The following TP73 variants were observed in gnomAD, a reference collection of about 807,000 sequenced individuals.
The protein encoded by TP73 is p53-like transcription factor.
A neutral mutation model predicts 62.5 loss-of-function variants in TP73; 25 were observed. That is an observed-to-expected ratio of 0.40 (90% CI 0.29 to 0.56). The LOEUF (loss-of-function observed/expected upper bound fraction) is 0.56, where lower values mean the gene tolerates loss of function less well. Ranked by LOEUF, TP73 falls within the 20% of genes least tolerant of loss-of-function variation. TP73 has a pLI of 0.46. For synonymous variants in TP73, 423 were observed against 377.5 expected, an observed-to-expected ratio of 1.12 and a Z score of -1.40; for missense variants, 754 against 913.3, an observed-to-expected ratio of 0.83 and a Z score of 2.25.
chr1:3,727,088 C>T lies in TP73; in HGVS notation c.733-27C>T, dbSNP rs1641710425. 15 of 1,597,648 alleles carry T rather than the reference C, an allele frequency of 9.4e-6. 1 individual carries two copies. The highest frequency in any genetic ancestry group is 1.3e-5 in the Non-Finnish European group (15 of 1,168,432). ...GATTGGGGCTGCGTGCTGATGCTAG[C>T]CCCTCTCCCTGCTCCCCCATGTGCA... On this transcript the variant is annotated intron_variant, in intron 6 of 13. Coordinates refer to ENST00000378295, the MANE Select transcript of TP73 (RefSeq NM_005427.4).
intron 3 of TP73, among the ~76,000 whole-genome samples, chr1:3,707,075 G>C (rs1400806734): frequency 1.3e-5 from 2 of 152,124 alleles, no homozygotes; most frequent in African/African-American, 4.8e-5. Flanking sequence ...GGGCACCCAC[G>C]CACCCAAGCC....
chr1:3,710,613 C>T (rs904963761), intron 4 of TP73, among the ~76,000 whole-genome samples: 18 of 152,208 alleles, frequency 1.2e-4, no homozygotes, highest in African/African-American at 3.4e-4. Flanking sequence ...CCTTTCTCCC[C>T]GATCAGGAAA....
chr1:3,707,192 C>G (rs945658615), intron 3 of TP73, among the ~76,000 whole-genome samples: 13 of 152,172 alleles, frequency 8.5e-5, no homozygotes, highest in African/African-American at 2.7e-4. Context: ...GAGGTCCAGA[C>G]CCCGATGCCG....
chr1:3,687,369 C>T lies in TP73; in HGVS notation c.186+4189C>T, dbSNP rs976228128. On this transcript the variant is annotated intron_variant, in intron 3 of 13. Coordinates refer to ENST00000378295, the MANE Select transcript of TP73 (RefSeq NM_005427.4). ...GGGTCTGCCCTGGCCACCCCCACACCGTCTGGGAAGAGCTGCAGAGGATAA... is the reference window on the plus strand; with the variant it reads ...GGGTCTGCCCTGGCCACCCCCACACTGTCTGGGAAGAGCTGCAGAGGATAA... Among the ~76,000 whole-genome samples, 12 of 152,290 alleles carry T rather than the reference C, an allele frequency of 7.9e-5. No individual in the cohort carries two copies. The South Asian group carries it at 1.5e-3, about 18-fold the overall frequency.
chr1:3,671,128 A>G (rs78507106), intron 1 of TP73, among the ~76,000 whole-genome samples: 10,511 of 152,198 alleles, frequency 0.069, 504 homozygotes, highest in East Asian at 0.17. Context: ...GCTGGGCTGG[A>G]AGCACAGGTC....
intron 1 of TP73, among the ~76,000 whole-genome samples, chr1:3,665,317 G>A (rs1236044037): frequency 6.6e-6 from 1 of 152,126 alleles, no homozygotes; most frequent in Non-Finnish European, 1.5e-5. Flanking sequence ...TTAGAAGGAA[G>A]CTGCAAATTA....
chr1:3,707,414 G>A, intron 3 of TP73, 135 bp from the exon 4 acceptor site: 3 of 1,277,240 alleles, frequency 2.3e-6, no homozygotes, highest in East Asian at 2.3e-5. Context: ...TGGGATGGGG[G>A]AGAGACCCGG....
intron 4 of TP73, among the ~76,000 whole-genome samples, chr1:3,711,480 C>G (rs1424252872): frequency 6.6e-6 from 1 of 152,266 alleles, no homozygotes; most frequent in Non-Finnish European, 1.5e-5. Context: ...CAGCCCGACG[C>G]GATGGGCATC....
At chr1:3,685,980 C>T (rs1261836659) in intron 3 of TP73, among the ~76,000 whole-genome samples, 3 of 152,216 alleles carry the variant, frequency 2.0e-5, no homozygotes, top group Non-Finnish European at 2.9e-5. Flanking sequence ...GTTCTAGTGC[C>T]GGATGTTTCC....
chr1:3,704,326 C>T (rs1167856724), intron 3 of TP73, among the ~76,000 whole-genome samples: 1 of 152,176 alleles, frequency 6.6e-6, no homozygotes, highest in East Asian at 1.9e-4. Context: ...CCGTTCTTTC[C>T]GTGGTCCTGA....
At chr1:3,661,054 A>G (rs1644976846) in intron 1 of TP73, among the ~76,000 whole-genome samples, 1 of 152,234 alleles carries the variant, frequency 6.6e-6, no homozygotes, top group African/African-American at 2.4e-5. Flanking sequence ...TTCATATTTT[A>G]CAGTGCTTCC....
intron 4 of TP73, among the ~76,000 whole-genome samples, chr1:3,713,537 G>A (rs934729313): frequency 3.3e-5 from 5 of 152,184 alleles, no homozygotes; most frequent in Non-Finnish European, 5.9e-5. Flanking sequence ...TTGCTTCCCG[G>A]TCTGGTGGGT....
rs1641840107 is a variant in TP73 at position 3,728,233 on chromosome 1, T to C, written c.1074+16T>C. The C allele has an allele frequency of 6.2e-7, 1 of 1,608,942 alleles. No homozygotes were observed. The highest frequency in any genetic ancestry group is 1.7e-5 in the Admixed American group (1 of 59,878). On this transcript the variant is annotated intron_variant, in intron 9 of 13. Transcript: ENST00000378295. ...CTACCTTCAGGTGAGTGTGTGCTCCTGCACGGCAGCCGGGAGACCTGCCTC... is the reference window on the plus strand; with the variant it reads ...CTACCTTCAGGTGAGTGTGTGCTCCCGCACGGCAGCCGGGAGACCTGCCTC...
intron 3 of TP73, among the ~76,000 whole-genome samples, chr1:3,703,429 G>A (rs1639378877): frequency 1.3e-5 from 2 of 152,204 alleles, no homozygotes; most frequent in East Asian, 3.9e-4. Flanking sequence ...CTGGGCCACA[G>A]AGGACGGCAC....
chr1:3,695,561 T>C (rs1638568559), intron 3 of TP73, among the ~76,000 whole-genome samples: 1 of 152,220 alleles, frequency 6.6e-6, no homozygotes, highest in East Asian at 1.9e-4. Context: ...TCTGGAGCTT[T>C]GGACACCCCC....
Position 3,723,346 on chromosome 1 carries a change from C to A in TP73, c.617-8C>A. The A allele has an allele frequency of 1.2e-6, 2 of 1,611,428 alleles. No individual in the cohort carries two copies. Among genetic ancestry groups the A allele is most frequent in the South Asian group, 2.2e-5 (2 of 91,018 alleles). The stretch of plus-strand genomic sequence containing the variant: ...GCACCTCTCTGAAGTGTCGACCCCT[C>A]CCGGCAGGACAGTCTGCTCCAGCCA... On this transcript the variant is annotated splice_region_variant and splice_polypyrimidine_tract_variant and intron_variant, in intron 5 of 13. Transcript: ENST00000378295.
At chr1:3,665,515 C>T (rs954891649) in intron 1 of TP73, among the ~76,000 whole-genome samples, 15 of 152,194 alleles carry the variant, frequency 9.9e-5, no homozygotes, top group South Asian at 8.3e-4. Context: ...CTACTCTTGA[C>T]GATGAAGTAT....
chr1:3,720,840 C>T (rs547669167), intron 4 of TP73, among the ~76,000 whole-genome samples: 1 of 152,382 alleles, frequency 6.6e-6, no homozygotes, highest in Non-Finnish European at 1.5e-5. Flanking sequence ...CCTGCAGCTT[C>T]CCTGGTTCTG....
rs1645048562 is a variant in TP73 at position 3,663,700 on chromosome 1, A to C, written c.-34+11059A>C. ...AACAATGCGAGACTCCATCTCAAAA[A>C]AAAAAAAAAAGAAAGAAAGAAAGGA... On this transcript the variant is annotated intron_variant, in intron 1 of 13. Transcript: ENST00000378295. This position sits in a 1 kb window ranked among gnomAD's most constrained non-coding sequence, Gnocchi z 4.7. Among the ~76,000 whole-genome samples, 2 of 143,678 alleles carry C rather than the reference A, an allele frequency of 1.4e-5. No individual in the cohort carries two copies. The highest frequency in any genetic ancestry group is 3.1e-5 in the Non-Finnish European group (2 of 65,396). The allele number at this position is 143,678 out of a possible 152,430, so 94.3% of individuals were successfully genotyped here.
Sources: gnomAD v4.1 joint callset for allele counts (sites outside exome capture counted in the v4.1 genomes callset) on GRCh38, gnomAD v4.1.1 for gene constraint, Gnocchi (gnomAD v3.1) non-coding constraint, MANE v1.5 for transcripts, NCBI Gene and HGNC (gene_info 2026-07-23, HGNC 2026-07-21) for gene names.